The following CACNA1D variants were observed in gnomAD, a reference collection of about 807,000 sequenced individuals.
CACNA1D encodes calcium voltage-gated channel subunit alpha1 D.
Under a neutral mutation model 257.1 loss-of-function variants are expected in CACNA1D, and 55 were observed. The ratio of observed to expected loss-of-function variants is 0.21; its 90% confidence interval spans 0.17 to 0.27. CACNA1D has a LOEUF of 0.27. CACNA1D is among the 10% of genes least tolerant of loss of function. CACNA1D has a pLI of 1.00. For synonymous variants in CACNA1D, 980 were observed against 1,014.9 expected, an observed-to-expected ratio of 0.97 and a Z score of 0.65; for missense variants, 1,876 against 2,784.0, an observed-to-expected ratio of 0.67 and a Z score of 7.34.
intron 3 of CACNA1D, among the ~76,000 whole-genome samples, chr3:53,647,112 G>A (rs1025843334): frequency 6.6e-6 from 1 of 152,054 alleles, no homozygotes; most frequent in Non-Finnish European, 1.5e-5. Context: ...TTGAGTTCTC[G>A]TGGGCGGGGT....
Position 53,666,613 on chromosome 3 carries a change from A to T in CACNA1D, c.1116+78A>T. The T allele has an allele frequency of 2.5e-6, 3 of 1,209,324 alleles. No homozygotes were observed. In the Admixed American group the frequency reaches 5.0e-5, roughly 20 times the overall value. 74.9% of individuals were successfully genotyped at this position (1,209,324 alleles called of 1,614,324 possible). On this transcript the variant is annotated intron_variant, in intron 7 of 47. Coordinates refer to ENST00000350061, the MANE Select transcript of CACNA1D (RefSeq NM_001128840.3). ...GTTTTGTGAGCTAGAGCCACTGGAG[A>T]GGTGGCTGGAAAAGAAACCCTGAAG...
chr3:53,754,983 T>G (rs888370990), intron 29 of CACNA1D, among the ~76,000 whole-genome samples: 2 of 152,244 alleles, frequency 1.3e-5, no homozygotes, highest in East Asian at 1.9e-4. Context: ...GGGGTCAAAT[T>G]TGGCACCTAA....
rs9866403 is a variant in CACNA1D at position 53,747,154 on chromosome 3, G to A, written c.3168-148G>A. 4.3e-3 allele frequency: 3,176 copies of A among 733,572 alleles called. 66 individuals carry two copies. The African/African-American group carries it at 0.047, about 11-fold the overall frequency. 45.4% of individuals were successfully genotyped at this position (733,572 alleles called of 1,614,324 possible). On this transcript the variant is annotated intron_variant, in intron 25 of 47. Coordinates refer to ENST00000350061, the MANE Select transcript of CACNA1D (RefSeq NM_001128840.3). ...AATGGAGGGCGAGGAGAGGAGAAAC[G>A]GCGCCGGTGTTATGCTCAGCTGTGT...
chr3:53,581,457 C>T (rs561844373), intron 3 of CACNA1D, among the ~76,000 whole-genome samples: 2 of 152,134 alleles, frequency 1.3e-5, no homozygotes, highest in South Asian at 2.1e-4. Context: ...CACAAAGACA[C>T]GGTATTACTT....
chr3:53,495,023 T>G lies in CACNA1D; in HGVS notation c.-144T>G. 4 of 477,194 alleles carry G rather than the reference T, an allele frequency of 8.4e-6. No individual in the cohort carries two copies. Among genetic ancestry groups the G allele is most frequent in the Non-Finnish European group, 1.3e-5 (3 of 235,136 alleles). The allele number at this position is 477,194 out of a possible 1,614,324, so 29.6% of individuals were successfully genotyped here. A position where few individuals can be genotyped will look rare whatever the true frequency, so the allele number is the denominator to read the frequency against. ...CCTTATTTTCTGTTATTTGTCCCCG[T>G]CCCTCCCCACCCCCCTGCTGAAGCG... On this transcript the variant is annotated 5_prime_UTR_variant, in exon 1 of 48. Coordinates refer to ENST00000350061, the MANE Select transcript of CACNA1D (RefSeq NM_001128840.3). The surrounding 1 kb of genome is among the most constrained non-coding windows in gnomAD (Gnocchi z 5.1).
intron 3 of CACNA1D, among the ~76,000 whole-genome samples, chr3:53,540,350 T>TGG (rs1187443508): frequency 6.6e-6 from 1 of 151,630 alleles, no homozygotes; most frequent in East Asian, 1.9e-4. Flanking sequence ...GGTCTCGAAC[T>TGG]CCTGACCTCA....
At chr3:53,773,050 G>T in intron 33 of CACNA1D, 152 bp downstream of exon 33, 1 of 727,084 alleles carries the variant, frequency 1.4e-6, no homozygotes, top group South Asian at 1.5e-5. Flanking sequence ...AGACAAAGCT[G>T]CTTAGTAGAG....
Position 53,800,536 on chromosome 3 carries a change from C to A in CACNA1D, c.5040+171C>A. ...CCTCTTACAGACCCTCCCCAGGCAT[C>A]AGCACCTCTTCTAGGGCCAGGCCAG... On this transcript the variant is annotated intron_variant, in intron 41 of 47. Transcript: ENST00000350061. The surrounding 1 kb of genome is among the most constrained non-coding windows in gnomAD (Gnocchi z 4.3). The A allele has an allele frequency of 1.4e-6, 1 of 705,088 alleles. No homozygotes were observed. Among genetic ancestry groups the A allele is most frequent in the Non-Finnish European group, 2.6e-6 (1 of 384,398 alleles). 43.7% of individuals were successfully genotyped at this position (705,088 alleles called of 1,614,324 possible). A position where few individuals can be genotyped will look rare whatever the true frequency, so the allele number is the denominator to read the frequency against.
In CACNA1D at chr3:53,497,218, G is replaced by C. The variant is rs781312928; in HGVS notation, c.134G>C (p.Ser45Thr). 1 of 1,614,082 alleles carries C rather than the reference G, an allele frequency of 6.2e-7. No homozygotes were observed. ...GAAGGACCAACTTCTCAGCCGAATA[G>C]CTCCAAGCAAACTGTCCTGTCTTGG... ...SGEGPTSQPN[S>T]SKQTVLSWQA... Residue 45 changes from serine to threonine, a missense_variant, in exon 2 of 48, where the codon AGC becomes ACC. Around this residue, in one of 10 missense-constraint regions of CACNA1D, gnomAD observed 143 missense variants for 168.7 expected, o/e 0.85. Transcript: ENST00000350061.
chr3:53,755,479 C>T (rs1165718594), intron 29 of CACNA1D, among the ~76,000 whole-genome samples: 2 of 152,220 alleles, frequency 1.3e-5, no homozygotes, highest in East Asian at 1.9e-4. Flanking sequence ...AGTTCAGTAG[C>T]GCGTGAACAG....
At chr3:53,659,347 C>T (rs1272440685) in intron 4 of CACNA1D, among the ~76,000 whole-genome samples, 1 of 152,202 alleles carries the variant, frequency 6.6e-6, no homozygotes. Context: ...AGCCTTTGCA[C>T]AGCTCCTTAG....
At chr3:53,506,778 A>C (rs1344285803) in intron 3 of CACNA1D, among the ~76,000 whole-genome samples, 2 of 152,202 alleles carry the variant, frequency 1.3e-5, no homozygotes, top group African/African-American at 4.8e-5. Flanking sequence ...TTAACTATTA[A>C]AGAGAGAAGA....
chr3:53,630,091 AC>A (rs2093805488), intron 3 of CACNA1D, among the ~76,000 whole-genome samples: 2 of 152,222 alleles, frequency 1.3e-5, no homozygotes, highest in Non-Finnish European at 2.9e-5. Context: ...ATTTAAAAAG[AC>A]ATAACACCTG....
intron 3 of CACNA1D, among the ~76,000 whole-genome samples, chr3:53,522,087 G>A (rs114841291): frequency 0.035 from 5,377 of 152,226 alleles, 144 homozygotes; most frequent in Non-Finnish European, 0.058. Context: ...AGTGATTTGT[G>A]ATCATGCCAC....
intron 20 of CACNA1D, among the ~76,000 whole-genome samples, chr3:53,736,896 A>AC (rs1054043332): frequency 6.6e-6 from 1 of 151,884 alleles, no homozygotes; most frequent in African/African-American, 2.4e-5. Flanking sequence ...TCTAAAAAAA[A>AC]AAAAAAAACA....
intron 20 of CACNA1D, among the ~76,000 whole-genome samples, chr3:53,737,012 T>G (rs1658057354): frequency 6.6e-6 from 1 of 151,826 alleles, no homozygotes; most frequent in Non-Finnish European, 1.5e-5. Context: ...AGAAAATGTT[T>G]GGGGGTGGCC....
At chr3:53,507,983 G>C (rs1024018843) in intron 3 of CACNA1D, among the ~76,000 whole-genome samples, 2 of 151,728 alleles carry the variant, frequency 1.3e-5, no homozygotes, top group East Asian at 1.9e-4. Context: ...GGAAAGGGGG[G>C]GCTGAAAAGA....
chr3:53,792,297 C>G (rs559746872), intron 40 of CACNA1D: 12 of 152,318 alleles, frequency 7.9e-5, no homozygotes, highest in African/African-American at 2.6e-4. Flanking sequence ...CTTGAATTCT[C>G]AGCTGATTCC....
At position 53,657,475 on chromosome 3, in the gene CACNA1D, G is replaced by T. The variant is rs539034452; in HGVS notation, c.624-2658G>T. Among the ~76,000 whole-genome samples, 4 of 152,222 alleles carry T rather than the reference G, an allele frequency of 2.6e-5. No homozygotes were observed. In the South Asian group the frequency reaches 6.2e-4, roughly 24 times the overall value. On this transcript the variant is annotated intron_variant, in intron 4 of 47. Transcript: ENST00000350061. Reference sequence around the variant, plus strand: ...CCCTATCTTGATCATGGTGTTTGTTGCTTAGGCTTATGCATTTTTCAAAAC... The same window carrying T: ...CCCTATCTTGATCATGGTGTTTGTTTCTTAGGCTTATGCATTTTTCAAAAC...
Sources: allele counts gnomAD v4.1 joint callset (sites outside exome capture counted in the v4.1 genomes callset), GRCh38; gene constraint gnomAD v4.1.1; regional missense constraint gnomAD v4.1.1; non-coding constraint Gnocchi (gnomAD v3.1); transcripts MANE v1.5; gene names NCBI Gene and HGNC (gene_info 2026-07-23, HGNC 2026-07-21).